CSMD1: variants seen among roughly 807,000 people sequenced by gnomAD.
The protein encoded by CSMD1 is CUB and Sushi multiple domains 1.
In CSMD1, 213 loss-of-function variants were observed where a neutral mutation model predicts 417.5. That is an observed-to-expected ratio of 0.51 (90% CI 0.46 to 0.57). The LOEUF (loss-of-function observed/expected upper bound fraction) is 0.57, where lower values mean the gene tolerates loss of function less well. Among genes scored for constraint, CSMD1 ranks in the 20% least tolerant of loss-of-function variants. The pLI is 0.00. For synonymous variants in CSMD1, 2,862 were observed against 1,736.8 expected, an observed-to-expected ratio of 1.65 and a Z score of -16.11; for missense variants, 6,923 against 4,529.7, an observed-to-expected ratio of 1.53 and a Z score of -15.17.
intron 51 of CSMD1, among the ~76,000 whole-genome samples, chr8:3,020,568 C>G (rs747085453): frequency 9.2e-5 from 14 of 152,098 alleles, no homozygotes; most frequent in Non-Finnish European, 1.9e-4. Flanking sequence ...AGATGGGGGT[C>G]TCATTGTGTT....
intron 3 of CSMD1, among the ~76,000 whole-genome samples, chr8:4,135,132 A>C (rs1232421099): frequency 6.6e-6 from 1 of 152,146 alleles, no homozygotes; most frequent in Non-Finnish European, 1.5e-5. Flanking sequence ...GACGCACACA[A>C]AATATTGTCA....
chr8:4,386,620 A>G (rs920797202), intron 3 of CSMD1, among the ~76,000 whole-genome samples: 24 of 152,236 alleles, frequency 1.6e-4, no homozygotes, highest in Admixed American at 3.9e-4. Context: ...TTAATCAGAG[A>G]GACCCTGGCA....
intron 6 of CSMD1, among the ~76,000 whole-genome samples, chr8:3,736,245 T>G (rs1796514866): frequency 6.6e-6 from 1 of 152,080 alleles, no homozygotes. Context: ...TTTTTTGTTT[T>G]GTTTTGTTTT....
intron 4 of CSMD1, among the ~76,000 whole-genome samples, chr8:4,023,753 ATTTTTTTTTTT>A (rs760333220): frequency 1.6e-4 from 8 of 50,100 alleles, no homozygotes; most frequent in African/African-American, 6.1e-4. Flanking sequence ...CGCTCGGCTA[ATTTTTTTTTTT>A]TTTTTTTTTT....
rs2554563 is a variant in CSMD1, at chr8:3,989,518, G to A, written c.818+8385C>T. ...CTAGCCAACTAATAATACTCCACAG[G>A]GTAGGATAAAGCACATGATCTATTT... On this transcript the variant is annotated intron_variant, in intron 5 of 69. Coordinates refer to ENST00000635120, the MANE Select transcript of CSMD1 (RefSeq NM_033225.6). Among the ~76,000 whole-genome samples, 189 of 152,114 alleles carry A rather than the reference G, an allele frequency of 1.2e-3. 1 individual carries two copies. Among genetic ancestry groups the A allele is most frequent in the Middle Eastern group, 3.4e-3 (1 of 294 alleles).
intron 2 of CSMD1, among the ~76,000 whole-genome samples, chr8:4,589,619 T>A (rs577814269): frequency 6.6e-6 from 1 of 152,338 alleles, no homozygotes; most frequent in African/African-American, 2.4e-5. Flanking sequence ...TCAAAAAGTG[T>A]TCATTCTACA....
At chr8:3,654,554 C>T (rs192360892) in intron 7 of CSMD1, among the ~76,000 whole-genome samples, 172 of 152,210 alleles carry the variant, frequency 1.1e-3, no homozygotes, top group Middle Eastern at 6.8e-3. Context: ...CATGATTATA[C>T]GGAGAGTTTA....
In CSMD1 at chr8:3,670,643, GA is replaced by G. The variant is rs1458603912; in HGVS notation, c.1009+37770del. Among the ~76,000 whole-genome samples the G allele has an allele frequency of 2.7e-5, 4 of 146,450 alleles. 1 individual carries two copies. Among genetic ancestry groups the G allele is most frequent in the Non-Finnish European group, 6.0e-5 (4 of 66,446 alleles). On this transcript the variant is annotated intron_variant, in intron 7 of 69. Coordinates refer to ENST00000635120, the MANE Select transcript of CSMD1 (RefSeq NM_033225.6). The stretch of plus-strand genomic sequence containing the variant: ...ATATATATATGGGATATTTATATAT[GA>G]AGGATATATACATGGGATATATGTA...
At chr8:4,797,106 G>A in intron 1 of CSMD1, among the ~76,000 whole-genome samples, 1 of 152,266 alleles carries the variant, frequency 6.6e-6, no homozygotes, top group South Asian at 2.1e-4. Flanking sequence ...AATCAGAGAT[G>A]AATACAGATG....
At chr8:3,686,121 G>GAA (rs201729455) in intron 7 of CSMD1, among the ~76,000 whole-genome samples, 1 of 149,532 alleles carries the variant, frequency 6.7e-6, no homozygotes, top group African/African-American at 2.5e-5. Context: ...TTATCAAAAA[G>GAA]AAAAAAAAAC....
At chr8:2,950,844 G>A (rs1802578191) in intron 66 of CSMD1, among the ~76,000 whole-genome samples, 1 of 152,126 alleles carries the variant, frequency 6.6e-6, no homozygotes, top group Non-Finnish European at 1.5e-5. Context: ...GAGACATGCA[G>A]TATCTGTATA....
chr8:3,624,385 T>A (rs968531380), intron 7 of CSMD1, among the ~76,000 whole-genome samples: 4 of 152,224 alleles, frequency 2.6e-5, no homozygotes, highest in Non-Finnish European at 5.9e-5. Flanking sequence ...GGTGTCATTT[T>A]AAGTTAAACG....
chr8:3,775,118 T>C (rs536140225), intron 5 of CSMD1, among the ~76,000 whole-genome samples: 1 of 152,360 alleles, frequency 6.6e-6, no homozygotes, highest in Non-Finnish European at 1.5e-5. Flanking sequence ...AGACTGCTGT[T>C]GACCGTAGGT....
intron 8 of CSMD1, among the ~76,000 whole-genome samples, chr8:3,607,036 A>C (rs576476352): frequency 1.6e-4 from 25 of 152,238 alleles, no homozygotes; most frequent in African/African-American, 5.8e-4. Flanking sequence ...TTAACTTGTG[A>C]GTTTTTTGCA....
At chr8:4,550,353 A>C (rs527352166) in intron 2 of CSMD1, among the ~76,000 whole-genome samples, 1 of 151,680 alleles carries the variant, frequency 6.6e-6, no homozygotes, top group Non-Finnish European at 1.5e-5. Context: ...ACACACACAC[A>C]CACACACAAA....
At chr8:3,124,807 C>T (rs766349055) in intron 41 of CSMD1, among the ~76,000 whole-genome samples, 1 of 152,182 alleles carries the variant, frequency 6.6e-6, no homozygotes, top group South Asian at 2.1e-4. Context: ...TCCCATCTGC[C>T]AGTCAACATC....
chr8:3,160,630 G>C (rs962252776), intron 38 of CSMD1, among the ~76,000 whole-genome samples: 4 of 152,160 alleles, frequency 2.6e-5, no homozygotes, highest in African/African-American at 4.8e-5. Flanking sequence ...CACCAAGATG[G>C]TGTTATAATG....
In CSMD1 at chr8:3,142,869, G is replaced by A. The variant is rs149441400; in HGVS notation, c.6032-195C>T. 7.2e-5 allele frequency among the ~76,000 whole-genome samples: 11 copies of A among 152,252 alleles called. No homozygotes were observed. The East Asian group carries it at 1.2e-3, about 16-fold the overall frequency. ...CATCTTACCTCTGCCACTTTTTGCC[G>A]CATGGTCTTTTTCCATGACACTCAC... is the stretch of plus-strand genomic sequence containing the variant. On this transcript the variant is annotated intron_variant, in intron 40 of 69. Coordinates refer to ENST00000635120, the MANE Select transcript of CSMD1 (RefSeq NM_033225.6).
intron 49 of CSMD1, among the ~76,000 whole-genome samples, chr8:3,059,701 G>T (rs1039714441): frequency 2.0e-5 from 3 of 152,174 alleles, no homozygotes; most frequent in Admixed American, 1.3e-4. Context: ...AAGCCCAGTA[G>T]GGCAGCCCAT....
Sources: gnomAD v4.1 joint callset for allele counts (sites outside exome capture counted in the v4.1 genomes callset) on GRCh38, gnomAD v4.1.1 for gene constraint, MANE v1.5 for transcripts, NCBI Gene and HGNC (gene_info 2026-07-23, HGNC 2026-07-21) for gene names.